The following OPCML variants were observed in gnomAD, a reference collection of about 807,000 sequenced individuals.
OPCML encodes the protein opioid-binding protein/cell adhesion molecule.
OPCML carries 13 observed loss-of-function variants against 37.8 expected under a neutral mutation model. The observed-to-expected ratio is 0.34, with a 90% confidence interval of 0.22 to 0.55. OPCML has a LOEUF of 0.55. Among genes scored for constraint, OPCML ranks in the 20% least tolerant of loss-of-function variants. OPCML has a pLI of 0.91. For missense variants in OPCML, 341 were observed against 435.6 expected, an observed-to-expected ratio of 0.78 and a Z score of 1.93; for synonymous variants, 176 against 168.8, an observed-to-expected ratio of 1.04 and a Z score of -0.33.
intron 2 of OPCML, among the ~76,000 whole-genome samples, chr11:132,719,039 G>A (rs1944587016): frequency 6.6e-6 from 1 of 152,112 alleles, no homozygotes; most frequent in African/African-American, 2.4e-5. Context: ...CCCTCTCAAG[G>A]CTGACCCCAA....
intron 3 of OPCML, among the ~76,000 whole-genome samples, chr11:132,610,327 A>G (rs1938564622): frequency 6.6e-6 from 1 of 152,198 alleles, no homozygotes; most frequent in South Asian, 2.1e-4. Flanking sequence ...CTCCTATAAT[A>G]TAAATATCTG....
intron 4 of OPCML, among the ~76,000 whole-genome samples, chr11:132,469,459 T>G (rs1391598896): frequency 6.8e-6 from 1 of 147,338 alleles, no homozygotes; most frequent in Non-Finnish European, 1.5e-5. Context: ...GTGTGTGTGG[T>G]GCCTGTGTGC....
chr11:133,113,948 T>C (rs1944917050), intron 1 of OPCML, among the ~76,000 whole-genome samples: 1 of 152,218 alleles, frequency 6.6e-6, no homozygotes, highest in Admixed American at 6.5e-5. Flanking sequence ...ACCACCTTGT[T>C]GATATTTATG....
At chr11:133,127,591 C>T (rs932884153) in intron 1 of OPCML, among the ~76,000 whole-genome samples, 4 of 151,620 alleles carry the variant, frequency 2.6e-5, no homozygotes, top group African/African-American at 9.7e-5. Context: ...TGAGACTGCA[C>T]CACCGCATTC....
At chr11:133,215,890 A>G (rs575005535) in intron 1 of OPCML, among the ~76,000 whole-genome samples, 1 of 152,214 alleles carries the variant, frequency 6.6e-6, no homozygotes, top group African/African-American at 2.4e-5. Context: ...CTTGAGTACA[A>G]TCCCAGCCCC....
chr11:133,027,100 A>G (rs1405930871), intron 1 of OPCML, among the ~76,000 whole-genome samples: 3 of 152,172 alleles, frequency 2.0e-5, no homozygotes, highest in Non-Finnish European at 4.4e-5. Flanking sequence ...AGGAAGTTAC[A>G]TGGCCTCTCT....
chr11:133,124,133 C>T (rs976422632), intron 1 of OPCML, among the ~76,000 whole-genome samples: 1 of 151,320 alleles, frequency 6.6e-6, no homozygotes, highest in African/African-American at 2.4e-5. Context: ...GGGGATTAGT[C>T]TACTTCTCCC....
At chr11:132,467,506 T>A (rs1170478582) in intron 4 of OPCML, among the ~76,000 whole-genome samples, 4 of 152,232 alleles carry the variant, frequency 2.6e-5, no homozygotes, top group Non-Finnish European at 4.4e-5. Context: ...CCACCTTGTT[T>A]TATTATTTAA....
At chr11:133,426,911 A>G (rs1946014885) in intron 1 of OPCML, among the ~76,000 whole-genome samples, 1 of 152,200 alleles carries the variant, frequency 6.6e-6, no homozygotes, top group Non-Finnish European at 1.5e-5. Flanking sequence ...TACAGTGAAA[A>G]TAGGTATATC....
intron 3 of OPCML, among the ~76,000 whole-genome samples, chr11:132,613,505 A>T (rs1292384431): frequency 6.6e-6 from 1 of 152,220 alleles, no homozygotes; most frequent in Non-Finnish European, 1.5e-5. Context: ...ATTCCGTGGG[A>T]TTCTTCTCTG....
intron 2 of OPCML, among the ~76,000 whole-genome samples, chr11:132,820,631 G>A (rs1456066859): frequency 1.3e-5 from 2 of 152,150 alleles, no homozygotes; most frequent in Non-Finnish European, 2.9e-5. Context: ...TTGATGGGAT[G>A]TGCTGGTGGG....
At chr11:133,286,046 G>C (rs563761248) in intron 1 of OPCML, among the ~76,000 whole-genome samples, 2 of 151,958 alleles carry the variant, frequency 1.3e-5, no homozygotes, top group African/African-American at 4.8e-5. Context: ...TCCTTGAAAG[G>C]GGGAGACAAG....
chr11:133,244,763 C>T (rs1940860972), intron 1 of OPCML, among the ~76,000 whole-genome samples: 1 of 152,188 alleles, frequency 6.6e-6, no homozygotes, highest in Non-Finnish European at 1.5e-5. Flanking sequence ...CCTTCTGCCA[C>T]AATTGTAAGT....
chr11:132,764,765 G>T (rs964605358), intron 2 of OPCML, among the ~76,000 whole-genome samples: 2 of 152,308 alleles, frequency 1.3e-5, no homozygotes, highest in African/African-American at 4.8e-5. Flanking sequence ...CCTCTCCAAT[G>T]CAGGGGAAGT....
chr11:133,174,351 TTCTAG>T lies in OPCML; in HGVS notation c.62-231346_62-231342del, dbSNP rs1403037763. Among the ~76,000 whole-genome samples, 1 of 152,104 alleles carries T rather than the reference TTCTAG, an allele frequency of 6.6e-6. No homozygotes were observed. The highest frequency in any genetic ancestry group is 1.5e-5 in the Non-Finnish European group (1 of 68,028). ...GTTCCAGGTCAGATGAAATGGCCAT[TTCTAG>T]TTTCTCAAAAGCCCCATTCCCTGTG... On this transcript the variant is annotated intron_variant, in intron 1 of 7. Transcript: ENST00000524381. This position sits in a 1 kb window ranked among gnomAD's most constrained non-coding sequence, Gnocchi z 4.6.
At chr11:132,426,852 T>C (rs1398309958) in intron 7 of OPCML, among the ~76,000 whole-genome samples, 7 of 152,234 alleles carry the variant, frequency 4.6e-5, no homozygotes, top group Non-Finnish European at 5.9e-5. Context: ...CTTTTGCTGC[T>C]GCATTCAGGG....
intron 1 of OPCML, among the ~76,000 whole-genome samples, chr11:133,371,110 A>C (rs1592241802): frequency 6.6e-6 from 1 of 152,328 alleles, no homozygotes; most frequent in Middle Eastern, 3.4e-3. Context: ...TCACAACCAC[A>C]ATAAGATATT....
intron 1 of OPCML, among the ~76,000 whole-genome samples, chr11:133,119,186 G>A (rs1034404925): frequency 2.0e-5 from 3 of 152,018 alleles, no homozygotes; most frequent in African/African-American, 4.8e-5. Flanking sequence ...CAAACATACT[G>A]GCCAGGAGAC....
chr11:132,446,036 C>T (rs1219888426), intron 4 of OPCML, among the ~76,000 whole-genome samples: 1 of 147,140 alleles, frequency 6.8e-6, no homozygotes, highest in Non-Finnish European at 1.5e-5. Flanking sequence ...AAACGAAGAG[C>T]ATGAAGACAA....
Sources: gnomAD v4.1 joint callset for allele counts (sites outside exome capture counted in the v4.1 genomes callset) on GRCh38, gnomAD v4.1.1 for gene constraint, Gnocchi (gnomAD v3.1) non-coding constraint, MANE v1.5 for transcripts, NCBI Gene and HGNC (gene_info 2026-07-23, HGNC 2026-07-21) for gene names.